Variants in TRPM3 observed in about 807,000 individuals in gnomAD.
TRPM3 encodes long transient receptor potential channel 3.
A neutral mutation model predicts 181.2 loss-of-function variants in TRPM3; 77 were observed. The ratio of observed to expected loss-of-function variants is 0.42; its 90% CI spans 0.35 to 0.51. TRPM3 has a LOEUF of 0.51. TRPM3 is among the 20% of genes least tolerant of loss of function. The probability of loss-of-function intolerance (pLI) is 0.01; values close to 1 mark genes in which losing one functional copy is unlikely to be tolerated. For missense variants in TRPM3, 1,759 were observed against 2,196.7 expected, an observed-to-expected ratio of 0.80 and a Z score of 3.98; for synonymous variants, 745 against 796.4, an observed-to-expected ratio of 0.94 and a Z score of 1.09.
intron 1 of TRPM3, among the ~76,000 whole-genome samples, chr9:71,429,425 T>A (rs2093923559): frequency 6.6e-6 from 1 of 152,134 alleles, no homozygotes; most frequent in South Asian, 2.1e-4. Flanking sequence ...ATGAGTACAA[T>A]GAGGTTGTCA....
At chr9:71,070,541 C>T (rs2062619885) in intron 1 of TRPM3, among the ~76,000 whole-genome samples, 2 of 152,080 alleles carry the variant, frequency 1.3e-5, no homozygotes, top group South Asian at 2.1e-4. Context: ...CTAAACAACA[C>T]AAAATCATAA....
At chr9:71,311,215 A>G (rs2087896956) in intron 1 of TRPM3, among the ~76,000 whole-genome samples, 1 of 152,142 alleles carries the variant, frequency 6.6e-6, no homozygotes, top group African/African-American at 2.4e-5. Context: ...ACAAATTCTC[A>G]CTAAGGAATT....
At chr9:70,690,387 G>A (rs1043496696) in intron 8 of TRPM3, among the ~76,000 whole-genome samples, 7 of 151,898 alleles carry the variant, frequency 4.6e-5, no homozygotes, top group Non-Finnish European at 7.4e-5. Context: ...GTACATCTTC[G>A]GCTTTCATAA....
intron 1 of TRPM3, among the ~76,000 whole-genome samples, chr9:71,005,957 A>T (rs2097668928): frequency 6.6e-6 from 1 of 152,224 alleles, no homozygotes; most frequent in Non-Finnish European, 1.5e-5. Flanking sequence ...TAAGACAATA[A>T]TAAGTACACC....
intron 1 of TRPM3, among the ~76,000 whole-genome samples, chr9:71,400,784 T>C (rs987208887): frequency 6.6e-6 from 1 of 150,678 alleles, no homozygotes; most frequent in African/African-American, 2.5e-5. Context: ...TGTATTTTAC[T>C]AGTTCTTTTT....
intron 1 of TRPM3, among the ~76,000 whole-genome samples, chr9:71,036,441 A>T (rs2058216352): frequency 6.6e-6 from 1 of 152,064 alleles, no homozygotes; most frequent in Non-Finnish European, 1.5e-5. Context: ...AGCACAACCA[A>T]ATTTCACTTA....
At chr9:70,859,402 T>G (rs1406981721) in intron 3 of TRPM3, among the ~76,000 whole-genome samples, 1 of 152,144 alleles carries the variant, frequency 6.6e-6, no homozygotes, top group African/African-American at 2.4e-5. Context: ...ACAGTATATA[T>G]TTGCTCTGCG....
At chr9:70,550,234 T>C (rs566749313) in intron 24 of TRPM3, among the ~76,000 whole-genome samples, 1 of 152,310 alleles carries the variant, frequency 6.6e-6, no homozygotes, top group East Asian at 1.9e-4. Flanking sequence ...GAAGAGATTT[T>C]ACTTTCCTGA....
At position 71,334,256 on chromosome 9, in the gene TRPM3, G is replaced by C. The variant is rs544785766; in HGVS notation, c.183+112397C>G. 9.8e-4 allele frequency among the ~76,000 whole-genome samples: 149 copies of C among 151,708 alleles called. 2 individuals are homozygous for C. The highest frequency in any genetic ancestry group is 6.4e-3 in the South Asian group (31 of 4,814). Reference sequence around the variant, plus strand: ...CACTCAAAGCTCTAATATTAAATCTGCCTAATATTTTGCTCATGTGTTTCT... The same window carrying C: ...CACTCAAAGCTCTAATATTAAATCTCCCTAATATTTTGCTCATGTGTTTCT... On this transcript the variant is annotated intron_variant, in intron 1 of 24. Coordinates refer to the TRPM3 transcript ENST00000357533.
chr9:70,959,223 A>G (rs2097111854), intron 1 of TRPM3, among the ~76,000 whole-genome samples: 1 of 152,034 alleles, frequency 6.6e-6, no homozygotes, highest in Non-Finnish European at 1.5e-5. Context: ...TTGCTTGTGT[A>G]TATTCTTCTC....
At chr9:70,989,046 G>A (rs1462198312) in intron 1 of TRPM3, among the ~76,000 whole-genome samples, 2 of 152,140 alleles carry the variant, frequency 1.3e-5, no homozygotes, top group Non-Finnish European at 1.5e-5. Flanking sequence ...ATCATGCTGT[G>A]CCAGACTTCC....
chr9:71,387,188 T>C (rs557134025), intron 1 of TRPM3, among the ~76,000 whole-genome samples: 1 of 152,282 alleles, frequency 6.6e-6, no homozygotes, highest in South Asian at 2.1e-4. Flanking sequence ...GTTTCCTAAT[T>C]ATGGATGGAA....
At position 71,224,112 on chromosome 9, in the gene TRPM3, T is replaced by C. The variant is rs563103374; in HGVS notation, c.183+222541A>G. ...CCCAGTGCTGTGGTGGCTTCAGGTC[T>C]GACCTAGTGTAGTACCAGTGGTGGT... On this transcript the variant is annotated intron_variant, in intron 1 of 24. Coordinates refer to the TRPM3 transcript ENST00000357533. 1.9e-4 allele frequency among the ~76,000 whole-genome samples: 29 copies of C among 152,366 alleles called. 1 individual carries two copies. The East Asian group carries it at 5.6e-3, about 29-fold the overall frequency.
chr9:70,754,241 C>T (rs1384300236), intron 8 of TRPM3, among the ~76,000 whole-genome samples: 1 of 152,042 alleles, frequency 6.6e-6, no homozygotes, highest in African/African-American at 2.4e-5. Flanking sequence ...CACCTGTGTC[C>T]CCTTTTCCTG....
chr9:71,316,374 A>G (rs1023254626), intron 1 of TRPM3, among the ~76,000 whole-genome samples: 2 of 152,232 alleles, frequency 1.3e-5, no homozygotes, highest in African/African-American at 4.8e-5. Context: ...GAATAATGAC[A>G]TCTCAAAGAT....
At chr9:71,310,246 T>C (rs13300226) in intron 1 of TRPM3, among the ~76,000 whole-genome samples, 27,114 of 151,960 alleles carry the variant, frequency 0.18, 2,457 homozygotes, top group Admixed American at 0.22. Context: ...TTTCAGATGG[T>C]TTATTTTTTA....
chr9:70,902,150 T>A (rs2096395987), intron 1 of TRPM3, among the ~76,000 whole-genome samples: 1 of 152,218 alleles, frequency 6.6e-6, no homozygotes. Context: ...TCTCTCCCCA[T>A]GTCTAGCTGT....
At chr9:71,114,852 G>A (rs551270255) in intron 1 of TRPM3, among the ~76,000 whole-genome samples, 21 of 152,144 alleles carry the variant, frequency 1.4e-4, no homozygotes, top group Admixed American at 6.5e-4. Flanking sequence ...AGGAGCTCTC[G>A]TTCACAACCA....
chr9:71,408,218 G>C (rs374046810), intron 1 of TRPM3, among the ~76,000 whole-genome samples: 2 of 152,112 alleles, frequency 1.3e-5, no homozygotes, highest in African/African-American at 4.8e-5. Context: ...GCAGCTCCTC[G>C]CCAGAAACAG....
Sources: gnomAD v4.1 joint callset for allele counts (sites outside exome capture counted in the v4.1 genomes callset) on GRCh38, gnomAD v4.1.1 for gene constraint, MANE v1.5 for transcripts, NCBI Gene and HGNC (gene_info 2026-07-23, HGNC 2026-07-21) for gene names.